The following CCDC60 variants were observed in gnomAD, a reference collection of about 807,000 sequenced individuals.
CCDC60 encodes the protein coiled-coil domain containing 60.
CCDC60 carries 54 observed loss-of-function variants against 63.5 expected under a neutral mutation model. The observed-to-expected ratio is 0.85, with a 90% CI of 0.68 to 1.07. The LOEUF (loss-of-function observed/expected upper bound fraction) is 1.07, where lower values mean the gene tolerates loss of function less well. Among genes scored for constraint, CCDC60 ranks in the 50% least tolerant of loss-of-function variants. The probability of loss-of-function intolerance (pLI) is 0.00; values close to 1 mark genes in which losing one functional copy is unlikely to be tolerated. For synonymous variants in CCDC60, 206 were observed against 238.8 expected (o/e 0.86, Z 1.27); for missense variants, 651 against 684.3 (o/e 0.95, Z 0.54).
chr12:119,526,920 A>G (rs997231541), intron 11 of CCDC60, among the ~76,000 whole-genome samples: 1 of 152,224 alleles, frequency 6.6e-6, no homozygotes, highest in African/African-American at 2.4e-5. Context: ...GGTATATACT[A>G]CCCAAAGGAA....
chr12:119,489,137 A>C (rs148354697), intron 5 of CCDC60, among the ~76,000 whole-genome samples: 1 of 152,166 alleles, frequency 6.6e-6, no homozygotes, highest in African/African-American at 2.4e-5. Flanking sequence ...AGCCAGCCAC[A>C]TGGGAGTATT....
At chr12:119,423,492 T>C (rs978220548) in intron 1 of CCDC60, among the ~76,000 whole-genome samples, 14 of 152,166 alleles carry the variant, frequency 9.2e-5, no homozygotes, top group African/African-American at 2.7e-4. Context: ...GTTCAGCCAA[T>C]AGCAGGCACC....
chr12:119,424,660 CTT>C (rs1956870967), intron 1 of CCDC60, among the ~76,000 whole-genome samples: 1 of 152,060 alleles, frequency 6.6e-6, no homozygotes, highest in Non-Finnish European at 1.5e-5. Context: ...AACTTATTAA[CTT>C]TTAATTTAAC....
intron 13 of CCDC60, among the ~76,000 whole-genome samples, chr12:119,534,008 G>C (rs1952931920): frequency 6.6e-6 from 1 of 152,128 alleles, no homozygotes; most frequent in Non-Finnish European, 1.5e-5. Context: ...ATTACCTTGG[G>C]GAGTACGGCC....
chr12:119,519,324 C>G lies in CCDC60; in HGVS notation c.969-797C>G, dbSNP rs115038955. ...CTGATGATCAGAAGCAGTTAGGATA[C>G]TTGTGAAAAATACAAATTTCTACGC... is the stretch of plus-strand genomic sequence containing the variant. On this transcript the variant is annotated intron_variant, in intron 8 of 13. Coordinates refer to ENST00000327554, the MANE Select transcript of CCDC60 (RefSeq NM_178499.5). 8.5e-3 allele frequency among the ~76,000 whole-genome samples: 1,290 copies of G among 151,758 alleles called. 12 individuals are homozygous for G. Among genetic ancestry groups the G allele is most frequent in the African/African-American group, 0.029 (1,217 of 41,380 alleles).
intron 5 of CCDC60, among the ~76,000 whole-genome samples, chr12:119,492,532 C>G (rs1331008599): frequency 6.6e-6 from 1 of 152,210 alleles, no homozygotes; most frequent in Non-Finnish European, 1.5e-5. Flanking sequence ...CTCTTCAACA[C>G]TTAATCCCTA....
chr12:119,478,995 T>C, intron 3 of CCDC60, 99 bp from the exon 4 acceptor site: 1 of 789,050 alleles, frequency 1.3e-6, no homozygotes, highest in South Asian at 1.4e-5. Context: ...ACATAGTAAG[T>C]GTCCAGTCAT....
chr12:119,359,536 CTTTT>C (rs57310847), intron 1 of CCDC60, among the ~76,000 whole-genome samples: 1 of 137,438 alleles, frequency 7.3e-6, no homozygotes. Context: ...TATCACAGGT[CTTTT>C]TTTTTTTTTT....
At chr12:119,359,536 C>CTT (rs57310847) in intron 1 of CCDC60, among the ~76,000 whole-genome samples, 5 of 137,442 alleles carry the variant, frequency 3.6e-5, no homozygotes, top group Admixed American at 7.3e-5. Context: ...TATCACAGGT[C>CTT]TTTTTTTTTT....
At chr12:119,485,362 C>T (rs1436384067) in intron 4 of CCDC60, among the ~76,000 whole-genome samples, 3 of 152,202 alleles carry the variant, frequency 2.0e-5, no homozygotes, top group Non-Finnish European at 4.4e-5. Flanking sequence ...AGGACAACTC[C>T]AGGCTGGAGA....
intron 1 of CCDC60, among the ~76,000 whole-genome samples, chr12:119,350,777 C>A (rs926745181): frequency 2.0e-5 from 3 of 152,144 alleles, no homozygotes; most frequent in African/African-American, 7.2e-5. Context: ...CCTAGTTTTT[C>A]AGAAGTCCAC....
At chr12:119,342,830 G>A (rs565759683) in intron 1 of CCDC60, among the ~76,000 whole-genome samples, 61 of 152,358 alleles carry the variant, frequency 4.0e-4, no homozygotes, top group African/African-American at 1.5e-3. Context: ...CAAATGGAAT[G>A]TGTGCCATCT....
At chr12:119,407,034 A>G (rs1956505245) in intron 1 of CCDC60, among the ~76,000 whole-genome samples, 1 of 152,194 alleles carries the variant, frequency 6.6e-6, no homozygotes, top group Non-Finnish European at 1.5e-5. Flanking sequence ...GTGCCAGAAC[A>G]GTCACCACAA....
At chr12:119,528,814 C>A in intron 12 of CCDC60, 68 bp downstream of exon 12, 1 of 1,499,122 alleles carries the variant, frequency 6.7e-7, no homozygotes, top group South Asian at 1.3e-5. Context: ...TACAAGATCA[C>A]TATTGATTCC....
chr12:119,452,060 G>A (rs1950643875), intron 2 of CCDC60, among the ~76,000 whole-genome samples: 1 of 152,188 alleles, frequency 6.6e-6, no homozygotes, highest in African/African-American at 2.4e-5. Context: ...ATAATATGGT[G>A]TCTGCCTCCA....
intron 2 of CCDC60, among the ~76,000 whole-genome samples, chr12:119,466,005 GA>G (rs139719298): frequency 0.014 from 2,189 of 152,280 alleles, 23 homozygotes; most frequent in Non-Finnish European, 0.023. Flanking sequence ...CAATGGAAAC[GA>G]AACTTTTCTT....
intron 2 of CCDC60, among the ~76,000 whole-genome samples, chr12:119,440,863 G>C (rs1950430150): frequency 6.6e-6 from 1 of 152,188 alleles, no homozygotes; most frequent in Non-Finnish European, 1.5e-5. Context: ...CTCCAAAGTG[G>C]AGAATGCAAA....
chr12:119,412,750 G>A (rs1305051289), intron 1 of CCDC60, among the ~76,000 whole-genome samples: 1 of 148,780 alleles, frequency 6.7e-6, no homozygotes, highest in African/African-American at 2.5e-5. Flanking sequence ...AGAAAAGACA[G>A]GTAAAGCCCC....
At chr12:119,338,755 G>A (rs1031623244) in intron 1 of CCDC60, among the ~76,000 whole-genome samples, 1 of 152,198 alleles carries the variant, frequency 6.6e-6, no homozygotes, top group African/African-American at 2.4e-5. Context: ...AGGCGGCCCG[G>A]TAAGTGTCTA....
Sources: gnomAD v4.1 joint callset for allele counts (sites outside exome capture counted in the v4.1 genomes callset) on GRCh38, gnomAD v4.1.1 for gene constraint, MANE v1.5 for transcripts, NCBI Gene and HGNC (gene_info 2026-07-23, HGNC 2026-07-21) for gene names.